SNX8: variants seen among roughly 807,000 people sequenced by gnomAD.
SNX8 encodes sorting nexin-8.
A neutral mutation model predicts 51.6 loss-of-function variants in SNX8; 25 were observed. The observed-to-expected ratio is 0.48, with a 90% CI of 0.35 to 0.68. The LOEUF (loss-of-function observed/expected upper bound fraction) is 0.68, where lower values mean the gene tolerates loss of function less well. Among genes scored for constraint, SNX8 ranks in the 30% least tolerant of loss-of-function variants. SNX8 has a pLI of 0.00. For missense variants in SNX8, 695 were observed against 624.0 expected, an observed-to-expected ratio of 1.11 and a Z score of -1.21; for synonymous variants, 324 against 277.0, an observed-to-expected ratio of 1.17 and a Z score of -1.68.
At chr7:2,352,627 T>C (rs1394564777) in intron 1 of SNX8, among the ~76,000 whole-genome samples, 5 of 151,622 alleles carry the variant, frequency 3.3e-5, no homozygotes, top group Non-Finnish European at 7.4e-5. Context: ...GGTCAGGAGA[T>C]CGAGACCATC....
upstream of SNX8, among the ~76,000 whole-genome samples, chr7:2,315,330 A>C (rs573638128): frequency 1.1e-4 from 16 of 148,516 alleles, no homozygotes; most frequent in East Asian, 3.2e-3. Flanking sequence ...CCACTCACCC[A>C]CTCACTCTCT....
At chr7:2,330,772 G>A (rs1778716039) in intron 1 of SNX8, among the ~76,000 whole-genome samples, 1 of 152,054 alleles carries the variant, frequency 6.6e-6, no homozygotes, top group Non-Finnish European at 1.5e-5. Flanking sequence ...GACTGCTGTG[G>A]GGGAATGAGA....
chr7:2,325,107 C>T (rs1382504356), intron 1 of SNX8, among the ~76,000 whole-genome samples: 1 of 152,182 alleles, frequency 6.6e-6, no homozygotes, highest in Non-Finnish European at 1.5e-5. Flanking sequence ...GCCAGGATTA[C>T]AGGCATGAGC....
chr7:2,304,416 C>T (rs186813391), intron 1 of SNX8, among the ~76,000 whole-genome samples: 3,254 of 151,450 alleles, frequency 0.021, 94 homozygotes, highest in African/African-American at 0.075. Flanking sequence ...TGGTGGCGGG[C>T]GCCTGTAGTC....
In SNX8 at chr7:2,336,316, G is replaced by A. The variant is rs10277354; in HGVS notation, c.-66+17906C>T. 2.5e-3 allele frequency among the ~76,000 whole-genome samples: 381 copies of A among 152,010 alleles called. 3 individuals are homozygous for A. The highest frequency in any genetic ancestry group is 7.7e-3 in the African/African-American group (320 of 41,454). On this transcript the variant is annotated intron_variant, in intron 1 of 5. Transcript: ENST00000435336. Reference sequence around the variant, plus strand: ...CTCAGAAGGCTGAGGCAGGAGAATCGCTTGAACTGGGTGGCGGAGTTTGCA... The same window carrying A: ...CTCAGAAGGCTGAGGCAGGAGAATCACTTGAACTGGGTGGCGGAGTTTGCA...
At chr7:2,292,290 T>A (rs1020984157) in intron 1 of SNX8, among the ~76,000 whole-genome samples, 3 of 151,830 alleles carry the variant, frequency 2.0e-5, no homozygotes, top group Admixed American at 2.0e-4. Flanking sequence ...GACCCCTCCC[T>A]CACACCATAT....
chr7:2,313,706 A>T lies in SNX8; in HGVS notation c.94+622T>A, dbSNP rs77043202. On this transcript the variant is annotated intron_variant, in intron 1 of 10. Transcript: ENST00000222990. ...AGCAAGATCCCATCTCTACAAAAAT[A>T]AAAAAAATTACCGGGCGTAACTGCA... Among the ~76,000 whole-genome samples the T allele has an allele frequency of 3.1e-3, 467 of 152,092 alleles. 13 individuals carry two copies. The East Asian group carries it at 0.043, about 14-fold the overall frequency.
intron 1 of SNX8, among the ~76,000 whole-genome samples, chr7:2,327,597 T>G (rs182319624): frequency 2.0e-5 from 3 of 151,802 alleles, no homozygotes; most frequent in Admixed American, 2.0e-4. Context: ...TTAGTAGAGA[T>G]GGGGTTTCAC....
chr7:2,305,509 AC>A (rs1796525670), intron 1 of SNX8, among the ~76,000 whole-genome samples: 1 of 151,642 alleles, frequency 6.6e-6, no homozygotes. Context: ...GATTACAGGC[AC>A]CCGCCACCAC....
rs780748766 is a variant in SNX8, at chr7:2,278,287, GC to G, written c.112del (p.Ala38ProfsTer53). The G allele has an allele frequency of 6.3e-7, 1 of 1,583,180 alleles. No homozygotes were observed. Among genetic ancestry groups the G allele is most frequent in the Non-Finnish European group, 8.6e-7 (1 of 1,158,890 alleles). On this transcript the variant is annotated frameshift_variant, in exon 2 of 11. Coordinates refer to ENST00000222990, the MANE Select transcript of SNX8 (RefSeq NM_013321.4). LOFTEE classifies it high-confidence loss of function. Reference sequence around the variant, plus strand: ...CTGCACGATGGCCTGGGGCTCGATGGCCTGGGGTGTCGGCAGATCTGCAGGG... The same window carrying G: ...CTGCACGATGGCCTGGGGCTCGATGGCTGGGGTGTCGGCAGATCTGCAGGG... ...PPASDLPTPQ[A>X]IEPQAIVQQV...
In SNX8 at chr7:2,255,864, A is replaced by T. The variant is rs536328413; in HGVS notation, c.1285-695T>A. Among the ~76,000 whole-genome samples the T allele has an allele frequency of 7.9e-5, 12 of 152,328 alleles. No individual in the cohort carries two copies. The East Asian group carries it at 2.3e-3, about 29-fold the overall frequency. ...GAGGAGGGGAGCGCGGCAGTGAGGCAGGGGTCAGGCCAAGACCTGCCGTGC... is the reference window on the plus strand; with the variant it reads ...GAGGAGGGGAGCGCGGCAGTGAGGCTGGGGTCAGGCCAAGACCTGCCGTGC... On this transcript the variant is annotated intron_variant, in intron 10 of 10. Transcript: ENST00000222990.
intron 1 of SNX8, among the ~76,000 whole-genome samples, chr7:2,327,759 G>A (rs1434532787): frequency 2.6e-5 from 4 of 151,820 alleles, no homozygotes; most frequent in East Asian, 1.9e-4. Flanking sequence ...AGCCAGGATG[G>A]TCTCTATCTC....
chr7:2,289,952 GGAGGCT>G (rs1796115754), intron 1 of SNX8, among the ~76,000 whole-genome samples: 1 of 152,184 alleles, frequency 6.6e-6, no homozygotes, highest in Admixed American at 6.5e-5. Flanking sequence ...CAACACTTTG[GGAGGCT>G]GAGGCGGGTG....
Position 2,254,977 on chromosome 7 carries a change from A to T in SNX8, c.*79T>A, listed in dbSNP as rs1795139768. ...GTGGCGGGGAGGGGAGCTGCCGTCC[A>T]AAGGGAATTACACCGGGACACACCG... is the stretch of plus-strand genomic sequence containing the variant. On this transcript the variant is annotated 3_prime_UTR_variant, in exon 11 of 11. Transcript: ENST00000222990. 5 of 1,001,956 alleles carry T rather than the reference A, an allele frequency of 5.0e-6. No individual in the cohort carries two copies. In the South Asian group the frequency reaches 6.8e-5, roughly 14 times the overall value. 62.1% of individuals were successfully genotyped at this position (1,001,956 alleles called of 1,614,324 possible).
At chr7:2,331,699 C>A (rs893181576) in intron 1 of SNX8, among the ~76,000 whole-genome samples, 1 of 126,582 alleles carries the variant, frequency 7.9e-6, no homozygotes, top group Non-Finnish European at 1.7e-5. Context: ...AGTGACACTC[C>A]GTCTCAAAAT....
chr7:2,256,156 C>T (rs766917868), intron 10 of SNX8, among the ~76,000 whole-genome samples: 1 of 93,002 alleles, frequency 1.1e-5, no homozygotes, highest in Non-Finnish European at 2.2e-5. Flanking sequence ...GCTCCTAACA[C>T]GGCGGCTGTC....
At chr7:2,256,480 G>A (rs2115086219) in intron 10 of SNX8, among the ~76,000 whole-genome samples, 1 of 152,372 alleles carries the variant, frequency 6.6e-6, no homozygotes, top group East Asian at 1.9e-4. Context: ...TGAAGGAACC[G>A]CCATCTGCTC....
chr7:2,329,891 G>A (rs945927542), intron 1 of SNX8, among the ~76,000 whole-genome samples: 7 of 148,444 alleles, frequency 4.7e-5, no homozygotes, highest in South Asian at 4.3e-4. Context: ...GCAGTGGTGC[G>A]ATCTCGGCTC....
At chr7:2,352,211 C>G (rs1444958501) in intron 1 of SNX8, among the ~76,000 whole-genome samples, 1 of 152,056 alleles carries the variant, frequency 6.6e-6, no homozygotes, top group Admixed American at 6.6e-5. Flanking sequence ...CATGCCCGGC[C>G]ATAATTTCCT....
Sources: allele counts gnomAD v4.1 joint callset (sites outside exome capture counted in the v4.1 genomes callset), GRCh38; gene constraint gnomAD v4.1.1; transcripts MANE v1.5; gene names NCBI Gene and HGNC (gene_info 2026-07-23, HGNC 2026-07-21).